Variants in EPHA3 observed in about 807,000 individuals in gnomAD.
EPHA3 encodes ephrin type-A receptor 3.
In EPHA3, 42 loss-of-function variants were observed where a neutral mutation model predicts 107.1. The observed-to-expected ratio is 0.39, with a 90% CI of 0.31 to 0.51. The LOEUF (loss-of-function observed/expected upper bound fraction) is 0.51. EPHA3 is among the 20% of genes least tolerant of loss of function. The probability of loss-of-function intolerance (pLI) is 0.78; values close to 1 mark genes in which losing one functional copy is unlikely to be tolerated. For missense variants in EPHA3, 1,183 were observed against 1,211.2 expected, an observed-to-expected ratio of 0.98 and a Z score of 0.35; for synonymous variants, 461 against 424.8, an observed-to-expected ratio of 1.09 and a Z score of -1.05.
chr3:89,391,402 C>G (rs1172475063), intron 5 of EPHA3, among the ~76,000 whole-genome samples: 1 of 140,882 alleles, frequency 7.1e-6, no homozygotes, highest in Non-Finnish European at 1.5e-5. Flanking sequence ...CTTTTCTTTT[C>G]TTTTCTTTTC....
At chr3:89,225,671 T>C (rs1704485850) in intron 3 of EPHA3, among the ~76,000 whole-genome samples, 1 of 152,218 alleles carries the variant, frequency 6.6e-6, no homozygotes, top group Non-Finnish European at 1.5e-5. Flanking sequence ...TTCTTTACAC[T>C]TTCAGGAACA....
intron 2 of EPHA3, among the ~76,000 whole-genome samples, chr3:89,200,036 G>C (rs1705933609): frequency 6.6e-6 from 1 of 152,128 alleles, no homozygotes; most frequent in South Asian, 2.1e-4. Context: ...AAATGAGTGA[G>C]TGTGTTTTAT....
chr3:89,480,444 G>C lies in EPHA3; in HGVS notation c.*942G>C, dbSNP rs1278636721. ...TGTAATATACCAGCTTGTATGCAAT[G>C]GATTTTCAACCAGATAACATACCTT... On this transcript the variant is annotated 3_prime_UTR_variant, in exon 17 of 17. Coordinates refer to ENST00000336596, the MANE Select transcript of EPHA3 (RefSeq NM_005233.6). 4.3e-6 allele frequency: 1 copy of C among 233,148 alleles called. No individual in the cohort carries two copies. The highest frequency in any genetic ancestry group is 8.5e-6 in the Non-Finnish European group (1 of 117,854). 14.4% of individuals were successfully genotyped at this position (233,148 alleles called of 1,614,324 possible). A position where few individuals can be genotyped will look rare whatever the true frequency, so the allele number is the denominator to read the frequency against.
intron 16 of EPHA3, among the ~76,000 whole-genome samples, chr3:89,476,610 TTTATTTA>T (rs1282587931): frequency 6.9e-6 from 1 of 144,032 alleles, no homozygotes; most frequent in Non-Finnish European, 1.5e-5. Context: ...TATTTATTTA[TTTATTTA>T]ATTTTTTTGA....
chr3:89,159,042 G>A (rs1391540749), intron 2 of EPHA3, among the ~76,000 whole-genome samples: 1 of 151,964 alleles, frequency 6.6e-6, no homozygotes, highest in African/African-American at 2.4e-5. Flanking sequence ...AAGCATATGT[G>A]CATTATTTAC....
intron 2 of EPHA3, among the ~76,000 whole-genome samples, chr3:89,194,869 C>A (rs1215179841): frequency 1.3e-5 from 2 of 151,862 alleles, no homozygotes; most frequent in Non-Finnish European, 2.9e-5. Flanking sequence ...TATACCATGC[C>A]GAACTTGAAA....
chr3:89,150,570 T>C (rs753899172), intron 2 of EPHA3, among the ~76,000 whole-genome samples: 64 of 152,020 alleles, frequency 4.2e-4, no homozygotes, highest in Non-Finnish European at 7.5e-4. Context: ...AAAATTCATA[T>C]AACTTCCCCA....
chr3:89,350,556 G>A (rs1286827674), intron 5 of EPHA3, among the ~76,000 whole-genome samples: 1 of 149,576 alleles, frequency 6.7e-6, no homozygotes, highest in Non-Finnish European at 1.5e-5. Context: ...TTTGCCTTTG[G>A]TTTGAATGTC....
chr3:89,472,332 A>G, intron 15 of EPHA3, 132 bp from the exon 16 acceptor site: 1 of 960,554 alleles, frequency 1.0e-6, no homozygotes, highest in Non-Finnish European at 1.5e-6. Context: ...CTTTCATGGC[A>G]GATAAATTCC....
intron 3 of EPHA3, among the ~76,000 whole-genome samples, chr3:89,316,506 A>G (rs1384050375): frequency 0.25 from 3,549 of 14,470 alleles, 119 homozygotes; most frequent in African/African-American, 0.41. Context: ...TGTGTGTGTA[A>G]TATATATATA....
intron 3 of EPHA3, among the ~76,000 whole-genome samples, chr3:89,293,033 C>A (rs1250838477): frequency 6.6e-6 from 1 of 152,000 alleles, no homozygotes; most frequent in Non-Finnish European, 1.5e-5. Context: ...TAATTTTTTG[C>A]CATTCTGATA....
At chr3:89,363,809 C>T (rs1708140536) in intron 5 of EPHA3, among the ~76,000 whole-genome samples, 1 of 150,836 alleles carries the variant, frequency 6.6e-6, no homozygotes, top group Non-Finnish European at 1.5e-5. Flanking sequence ...ATTTCACCCA[C>T]TGACCATATT....
At chr3:89,201,237 C>G (rs1416096188) in intron 2 of EPHA3, among the ~76,000 whole-genome samples, 3 of 152,018 alleles carry the variant, frequency 2.0e-5, no homozygotes, top group Non-Finnish European at 4.4e-5. Context: ...CTCATGAGAA[C>G]TCCCTCAATA....
At chr3:89,451,330 G>T (rs1206568638) in intron 15 of EPHA3, among the ~76,000 whole-genome samples, 1 of 152,232 alleles carries the variant, frequency 6.6e-6, no homozygotes, top group East Asian at 1.9e-4. Context: ...GATGAATTTT[G>T]TCAGGGGCCA....
At chr3:89,254,005 A>C (rs1217575413) in intron 3 of EPHA3, among the ~76,000 whole-genome samples, 1 of 152,090 alleles carries the variant, frequency 6.6e-6, no homozygotes. Flanking sequence ...AAATATATCA[A>C]TATAAATATA....
chr3:89,297,089 C>T (rs768269998), intron 3 of EPHA3, among the ~76,000 whole-genome samples: 1 of 152,152 alleles, frequency 6.6e-6, no homozygotes, highest in Non-Finnish European at 1.5e-5. Flanking sequence ...TTGATCTTCT[C>T]TGCAGACCAC....
intron 2 of EPHA3, among the ~76,000 whole-genome samples, chr3:89,194,979 AC>A (rs1370075765): frequency 2.0e-5 from 3 of 151,994 alleles, no homozygotes; most frequent in South Asian, 4.1e-4. Flanking sequence ...TTCTCTTCCT[AC>A]CCTGTACACA....
At chr3:89,408,222 G>C in intron 9 of EPHA3, 91 bp downstream of exon 9, 1 of 1,262,904 alleles carries the variant, frequency 7.9e-7, no homozygotes, top group Non-Finnish European at 1.1e-6. Flanking sequence ...TCCTGACAAA[G>C]AGACTTCAAA....
chr3:89,338,580 G>T (rs143710389), intron 3 of EPHA3, among the ~76,000 whole-genome samples: 29 of 152,264 alleles, frequency 1.9e-4, no homozygotes, highest in African/African-American at 6.7e-4. Context: ...ACGGAGTCTC[G>T]CTCTGTCGCC....
Sources: allele counts gnomAD v4.1 joint callset (sites outside exome capture counted in the v4.1 genomes callset), GRCh38; gene constraint gnomAD v4.1.1; transcripts MANE v1.5; gene names NCBI Gene and HGNC (gene_info 2026-07-23, HGNC 2026-07-21).